POFUT3: variants seen among roughly 807,000 people sequenced by gnomAD.
The protein encoded by POFUT3 is GDP-fucose protein O-fucosyltransferase 3.
the POFUT3 span, among the ~76,000 whole-genome samples, chr8:33,377,313 A>T: frequency 6.6e-6 from 1 of 152,228 alleles, no homozygotes; most frequent in Non-Finnish European, 1.5e-5. Context: ...ATCTTTTGTC[A>T]AAACAAACAA....
the POFUT3 span, among the ~76,000 whole-genome samples, chr8:33,467,061 G>A: frequency 6.6e-5 from 10 of 151,084 alleles, no homozygotes; most frequent in African/African-American, 1.5e-4. Flanking sequence ...ACCTGAGATC[G>A]TACCACTGCA....
the POFUT3 span, among the ~76,000 whole-genome samples, chr8:33,462,036 C>T: frequency 4.8e-5 from 7 of 144,438 alleles, no homozygotes; most frequent in African/African-American, 5.2e-5. Context: ...GGCACGCACC[C>T]GTAGTCACAG....
the POFUT3 span, among the ~76,000 whole-genome samples, chr8:33,381,131 T>C: frequency 6.6e-6 from 1 of 152,134 alleles, no homozygotes; most frequent in Non-Finnish European, 1.5e-5. Context: ...AGGAAGACCC[T>C]GTCTCAATCA....
the POFUT3 span, among the ~76,000 whole-genome samples, chr8:33,394,743 A>C: frequency 2.7e-4 from 41 of 152,154 alleles, no homozygotes; most frequent in African/African-American, 9.9e-4. Context: ...TCTCTAAAGC[A>C]CAGAATTTAA....
chr8:33,445,018 C>T, the POFUT3 span, among the ~76,000 whole-genome samples: 1 of 145,552 alleles, frequency 6.9e-6, no homozygotes, highest in African/African-American at 2.5e-5. Context: ...ACTGCAACCT[C>T]CACCTCCCAG....
chr8:33,367,147 G>T, the POFUT3 span, among the ~76,000 whole-genome samples: 1 of 152,126 alleles, frequency 6.6e-6, no homozygotes, highest in Non-Finnish European at 1.5e-5. Flanking sequence ...TAAACTGGCC[G>T]CAAAACTGGC....
the POFUT3 span, chr8:33,389,713 G>C: frequency 6.2e-7 from 1 of 1,614,154 alleles, no homozygotes. Context: ...GCTTATAATT[G>C]TTTTTCGGGG....
chr8:33,331,837 G>A, the POFUT3 span, among the ~76,000 whole-genome samples: 1 of 151,770 alleles, frequency 6.6e-6, no homozygotes, highest in Non-Finnish European at 1.5e-5. Context: ...CACCACGCCC[G>A]GCTAATTTTT....
the POFUT3 span, among the ~76,000 whole-genome samples, chr8:33,339,211 T>C: frequency 1.3e-5 from 2 of 151,996 alleles, no homozygotes; most frequent in African/African-American, 4.8e-5. Flanking sequence ...CGAAGAGATA[T>C]AAAGTTTCAA....
At chr8:33,395,914 C>G in the POFUT3 span, among the ~76,000 whole-genome samples, 1 of 152,148 alleles carries the variant, frequency 6.6e-6, no homozygotes, top group African/African-American at 2.4e-5. Flanking sequence ...CAAGTCATCC[C>G]TGTCGCAAGG....
the POFUT3 span, among the ~76,000 whole-genome samples, chr8:33,331,489 A>G: frequency 6.6e-6 from 1 of 152,230 alleles, no homozygotes; most frequent in East Asian, 1.9e-4. Context: ...TCATCAAGGG[A>G]TGGAGGTTTG....
chr8:33,399,293 T>C, the POFUT3 span, among the ~76,000 whole-genome samples: 8 of 152,348 alleles, frequency 5.3e-5, no homozygotes, highest in Admixed American at 2.0e-4. Flanking sequence ...CTAGGAGAAG[T>C]GTGTTAAAAT....
At chr8:33,329,865 T>G in the POFUT3 span, among the ~76,000 whole-genome samples, 1 of 152,206 alleles carries the variant, frequency 6.6e-6, no homozygotes, top group Non-Finnish European at 1.5e-5. Flanking sequence ...CTTAACCTAA[T>G]GGATAATAAA....
the POFUT3 span, chr8:33,453,257 G>C: frequency 3.1e-6 from 5 of 1,614,076 alleles, no homozygotes; most frequent in African/African-American, 1.3e-5. Flanking sequence ...ATGGAGGTAG[G>C]TCCGGTTGAT....
At chr8:33,467,789 T>C in the POFUT3 span, among the ~76,000 whole-genome samples, 1 of 152,208 alleles carries the variant, frequency 6.6e-6, no homozygotes, top group Non-Finnish European at 1.5e-5. Context: ...TTACAGGTAA[T>C]TAGCAGCTTG....
the POFUT3 span, among the ~76,000 whole-genome samples, chr8:33,403,934 C>A: frequency 6.6e-6 from 1 of 152,152 alleles, no homozygotes; most frequent in African/African-American, 2.4e-5. Flanking sequence ...CTTCTTGCTT[C>A]CTGTCTCAAC....
At chr8:33,420,751 A>G in the POFUT3 span, among the ~76,000 whole-genome samples, 30 of 152,106 alleles carry the variant, frequency 2.0e-4, no homozygotes, top group Admixed American at 5.9e-4. Flanking sequence ...TAAGATGACT[A>G]TAGTTAACAA....
chr8:33,403,416 T>G, the POFUT3 span, among the ~76,000 whole-genome samples: 2 of 152,064 alleles, frequency 1.3e-5, no homozygotes, highest in African/African-American at 4.8e-5. Flanking sequence ...TGATATGTCT[T>G]GAGAAAAAGA....
chr8:33,442,866 G>A, the POFUT3 span, among the ~76,000 whole-genome samples: 1 of 152,088 alleles, frequency 6.6e-6, no homozygotes, highest in Non-Finnish European at 1.5e-5. Flanking sequence ...AGTTCATAAG[G>A]TTTTGCTAGA....
Sources: gnomAD v4.1 joint callset for allele counts (sites outside exome capture counted in the v4.1 genomes callset) on GRCh38, gnomAD v4.1.1 for gene constraint, MANE v1.5 for transcripts, NCBI Gene and HGNC (gene_info 2026-07-23, HGNC 2026-07-21) for gene names.